The following CSMD3 variants were observed in gnomAD, a reference collection of about 807,000 sequenced individuals.
The protein encoded by CSMD3 is CUB and Sushi multiple domains 3, also known as CUB and sushi domain-containing protein 3.
A neutral mutation model predicts 435.2 loss-of-function variants in CSMD3; 177 were observed. That is an observed-to-expected ratio of 0.41 (90% CI 0.36 to 0.46). The LOEUF (loss-of-function observed/expected upper bound fraction) is 0.46, where lower values mean the gene tolerates loss of function less well. CSMD3 is among the 20% of genes least tolerant of loss of function. The probability of loss-of-function intolerance (pLI) is 0.34; values close to 1 mark genes in which losing one functional copy is unlikely to be tolerated. For synonymous variants in CSMD3, 1,656 were observed against 1,520.5 expected (o/e 1.09, Z -2.07); for missense variants, 4,265 against 4,504.6 (o/e 0.95, Z 1.52).
At chr8:113,392,346 A>G (rs1645648050) in intron 1 of CSMD3, among the ~76,000 whole-genome samples, 1 of 152,150 alleles carries the variant, frequency 6.6e-6, no homozygotes, top group South Asian at 2.1e-4. Flanking sequence ...AAGAAGGAAT[A>G]GACAGATGTA....
intron 45 of CSMD3, among the ~76,000 whole-genome samples, chr8:112,332,335 C>T (rs1028521611): frequency 6.6e-6 from 1 of 152,000 alleles, no homozygotes; most frequent in Non-Finnish European, 1.5e-5. Flanking sequence ...CATAAAAAGA[C>T]TTAAATAACT....
At chr8:113,284,397 T>G (rs1253890383) in intron 2 of CSMD3, among the ~76,000 whole-genome samples, 2 of 152,176 alleles carry the variant, frequency 1.3e-5, no homozygotes, top group Non-Finnish European at 2.9e-5. Context: ...AGAATTGTGT[T>G]CTTGAAACAT....
At chr8:113,316,243 A>T (rs2093908976) in intron 1 of CSMD3, among the ~76,000 whole-genome samples, 1 of 152,166 alleles carries the variant, frequency 6.6e-6, no homozygotes, top group Non-Finnish European at 1.5e-5. Context: ...CAGAAGCTGT[A>T]AATCAGAGTT....
chr8:112,387,465 A>ATGTGTGTGTGTGTG lies in CSMD3; in HGVS notation c.5934+3185_5934+3198dup, dbSNP rs34034900. Among the ~76,000 whole-genome samples, 619 of 144,198 alleles carry ATGTGTGTGTGTGTG rather than the reference A, an allele frequency of 4.3e-3. 6 individuals carry two copies. The highest frequency in any genetic ancestry group is 6.7e-3 in the African/African-American group (261 of 38,894). 94.6% of individuals were successfully genotyped at this position (144,198 alleles called of 152,430 possible). The stretch of plus-strand genomic sequence containing the variant: ...AAGTTTCAAATGTAAGTCATATATT[A>ATGTGTGTGTGTGTG]TGTGTGTGTGTGTGTGTGTGTGTGT... On this transcript the variant is annotated intron_variant, in intron 36 of 70. Coordinates refer to ENST00000297405, the MANE Select transcript of CSMD3 (RefSeq NM_198123.2).
At chr8:113,341,502 T>A (rs562531336) in intron 1 of CSMD3, among the ~76,000 whole-genome samples, 7 of 152,164 alleles carry the variant, frequency 4.6e-5, no homozygotes, top group African/African-American at 1.4e-4. Flanking sequence ...ATTAGATTTA[T>A]AAAATTTGTC....
At chr8:112,764,658 T>A (rs1001376744) in intron 13 of CSMD3, among the ~76,000 whole-genome samples, 1 of 151,592 alleles carries the variant, frequency 6.6e-6, no homozygotes, top group Non-Finnish European at 1.5e-5. Flanking sequence ...TTGTTAAAAA[T>A]TAGTCAATAT....
intron 13 of CSMD3, among the ~76,000 whole-genome samples, chr8:112,756,194 C>T (rs1233039322): frequency 6.6e-6 from 1 of 152,114 alleles, no homozygotes; most frequent in Admixed American, 6.6e-5. Flanking sequence ...TGTGAAAAAT[C>T]AGGTACCATG....
rs547020647 is a variant in CSMD3 at position 112,904,095 on chromosome 8, C to T, written c.1633+17532G>A. Among the ~76,000 whole-genome samples the T allele has an allele frequency of 2.0e-5, 3 of 151,414 alleles. No individual in the cohort carries two copies. In the East Asian group the frequency reaches 5.9e-4, roughly 30 times the overall value. On this transcript the variant is annotated intron_variant, in intron 10 of 70. Coordinates refer to ENST00000297405, the MANE Select transcript of CSMD3 (RefSeq NM_198123.2). ...AACAATGCTTTTTCCCCCCCAGAGA[C>T]ATGATGTTTAGCTGGGAACTGTCCT... is the stretch of plus-strand genomic sequence containing the variant.
chr8:112,874,708 A>T (rs2081231228), intron 10 of CSMD3, among the ~76,000 whole-genome samples: 1 of 152,090 alleles, frequency 6.6e-6, no homozygotes, highest in African/African-American at 2.4e-5. Context: ...GTTTTATCAG[A>T]GGCTAGGATT....
intron 32 of CSMD3, among the ~76,000 whole-genome samples, chr8:112,418,599 A>G (rs945013298): frequency 6.6e-6 from 1 of 152,176 alleles, no homozygotes; most frequent in African/African-American, 2.4e-5. Flanking sequence ...CAATTTTATG[A>G]AAAACAAATA....
chr8:112,390,209 G>A (rs1830299226), intron 36 of CSMD3, among the ~76,000 whole-genome samples: 3 of 151,664 alleles, frequency 2.0e-5, no homozygotes, highest in Admixed American at 2.0e-4. Flanking sequence ...CTTAACCACT[G>A]AAATGGTACA....
intron 22 of CSMD3, among the ~76,000 whole-genome samples, chr8:112,629,847 A>G (rs1271072440): frequency 1.3e-5 from 2 of 152,166 alleles, no homozygotes; most frequent in Non-Finnish European, 2.9e-5. Context: ...GGCAGGATCT[A>G]TGGCTTTCTC....
At chr8:112,379,832 C>T (rs529708776) in intron 38 of CSMD3, among the ~76,000 whole-genome samples, 8 of 152,220 alleles carry the variant, frequency 5.3e-5, no homozygotes, top group African/African-American at 1.9e-4. Context: ...GACCAAAGGA[C>T]ATCCAGATGA....
At chr8:112,994,550 T>G (rs558214271) in intron 6 of CSMD3, among the ~76,000 whole-genome samples, 2 of 151,800 alleles carry the variant, frequency 1.3e-5, no homozygotes, top group Non-Finnish European at 3.0e-5. Flanking sequence ...TGAAAGGTGC[T>G]TTCCAAAATA....
chr8:112,342,971 TTATATATATATATA>T (rs1159933349), intron 41 of CSMD3, among the ~76,000 whole-genome samples: 1,149 of 91,334 alleles, frequency 0.013, 11 homozygotes, highest in East Asian at 0.029. Context: ...TTGAAATGTA[TTATATATATATATA>T]TTTATATATA....
rs1030382158 is a variant in CSMD3 at position 113,278,578 on chromosome 8, C to G, written c.514+14G>C. ...ATTAAGGGCAGTGGTTTGTTTGCCA[C>G]TACCATCACTTACCTTCGTAATATA... On this transcript the variant is annotated intron_variant, in intron 3 of 70. Coordinates refer to ENST00000297405, the MANE Select transcript of CSMD3 (RefSeq NM_198123.2). 4 of 1,275,148 alleles carry G rather than the reference C, an allele frequency of 3.1e-6. No individual in the cohort carries two copies. The African/African-American group carries it at 5.9e-5, about 19-fold the overall frequency. 79.0% of individuals were successfully genotyped at this position (1,275,148 alleles called of 1,614,324 possible). A position where few individuals can be genotyped will look rare whatever the true frequency, so the allele number is the denominator to read the frequency against.
chr8:112,947,074 T>A (rs1375367298), intron 9 of CSMD3, among the ~76,000 whole-genome samples: 1 of 151,680 alleles, frequency 6.6e-6, no homozygotes, highest in East Asian at 1.9e-4. Flanking sequence ...ATGGACACTG[T>A]AAAAATAGGT....
intron 5 of CSMD3, among the ~76,000 whole-genome samples, chr8:113,059,162 G>A (rs1056564472): frequency 5.3e-5 from 8 of 152,072 alleles, no homozygotes; most frequent in African/African-American, 1.9e-4. Context: ...GCATACAAAT[G>A]TTCATCCCTG....
In CSMD3 at chr8:112,406,523, C is replaced by T. The variant is rs2130021037; in HGVS notation, c.5809+1G>A. ...CAGATCATACAAATTTATATACTCA[C>T]CAATACAAGTAGGTAAGGAATCATT... On this transcript the variant is annotated splice_donor_variant, in intron 35 of 70. Coordinates refer to ENST00000297405, the MANE Select transcript of CSMD3 (RefSeq NM_198123.2). LOFTEE classifies it high-confidence loss of function. 6.3e-7 allele frequency: 1 copy of T among 1,598,272 alleles called. No homozygotes were observed. Among genetic ancestry groups the T allele is most frequent in the Non-Finnish European group, 8.6e-7 (1 of 1,166,984 alleles).
Sources: gnomAD v4.1 joint callset for allele counts (sites outside exome capture counted in the v4.1 genomes callset) on GRCh38, gnomAD v4.1.1 for gene constraint, MANE v1.5 for transcripts, NCBI Gene and HGNC (gene_info 2026-07-23, HGNC 2026-07-21) for gene names.